Variants in CDK19 observed in about 807,000 individuals in gnomAD.
CDK19 encodes the protein cyclin-dependent kinase 19.
In CDK19, 20 loss-of-function variants were observed where a neutral mutation model predicts 68.3. That is an observed-to-expected ratio of 0.29 (90% CI 0.21 to 0.43). The LOEUF is 0.43. CDK19 is among the 20% of genes least tolerant of loss of function. The pLI is 1.00. For missense variants in CDK19, 339 were observed against 623.5 expected (o/e 0.54, Z 4.86); for synonymous variants, 221 against 222.8 (o/e 0.99, Z 0.07).
intron 2 of CDK19, among the ~76,000 whole-genome samples, chr6:110,693,032 G>A (rs1414543821): frequency 6.6e-6 from 1 of 151,900 alleles, no homozygotes; most frequent in Non-Finnish European, 1.5e-5. Context: ...AAGGTAAAGG[G>A]GTGAAAAAAG....
Position 110,627,059 on chromosome 6 carries a change from T to A in CDK19, c.733A>T (p.Asn245Tyr), listed in dbSNP as rs1275224408. ...TCCAGTTGATCATGATGAAAGGGAT[T>A]GCTTGTTTTTATATCTTCCTGACGA... ...HCRQEDIKTS[N>Y]PFHHDQLDRI... Residue 245 changes from asparagine (N) to tyrosine (Y), a missense_variant, in exon 7 of 13, where the codon AAT (asparagine) becomes TAT (tyrosine). This residue lies in a region of CDK19 where 63 missense variants were observed against 156.5 expected (regional missense o/e 0.40). Transcript: ENST00000368911. 6.2e-7 allele frequency: 1 copy of A among 1,613,158 alleles called. No homozygotes were observed. The highest frequency in any genetic ancestry group is 1.7e-5 in the Admixed American group (1 of 60,008).
chr6:110,815,353 G>A lies in CDK19; in HGVS notation c.-217C>T, dbSNP rs1424026996. On this transcript the variant is annotated 5_prime_UTR_variant, in exon 1 of 13. Coordinates refer to ENST00000368911, the MANE Select transcript of CDK19 (RefSeq NM_015076.5). ...CTCCACCTCTTCCTCCTCCTCCTCC[G>A]CGACGGCGGCGGCGGCTCCCGCAGG... 3.0e-5 allele frequency: 12 copies of A among 405,584 alleles called. No homozygotes were observed. Among genetic ancestry groups the A allele is most frequent in the African/African-American group, 4.2e-5 (2 of 47,476 alleles). The allele number at this position is 405,584 out of a possible 1,614,324, so 25.1% of individuals were successfully genotyped here.
intron 2 of CDK19, among the ~76,000 whole-genome samples, chr6:110,740,647 T>A (rs1286269973): frequency 1.3e-5 from 2 of 152,262 alleles, no homozygotes; most frequent in Non-Finnish European, 2.9e-5. Context: ...CCTCAACAGT[T>A]ATTCTGCAAT....
intron 2 of CDK19, among the ~76,000 whole-genome samples, chr6:110,672,651 T>C (rs1423246208): frequency 6.6e-6 from 1 of 152,196 alleles, no homozygotes; most frequent in Non-Finnish European, 1.5e-5. Context: ...CAAATATGAA[T>C]ATATATTTTA....
At chr6:110,622,037 T>C in intron 11 of CDK19, 51 bp downstream of exon 11, 1 of 1,068,152 alleles carries the variant, frequency 9.4e-7, no homozygotes, top group Non-Finnish European at 1.4e-6. Context: ...CTAAACTATC[T>C]TTTTGCCTCC....
At chr6:110,626,911 AG>A in intron 7 of CDK19, 66 bp from the exon 8 acceptor site, 1 of 1,377,120 alleles carries the variant, frequency 7.3e-7, no homozygotes, top group Non-Finnish European at 1.0e-6. Flanking sequence ...TAATTATGTT[AG>A]TTTATAAATA....
chr6:110,769,155 A>G, intron 1 of CDK19, among the ~76,000 whole-genome samples: 4 of 147,640 alleles, frequency 2.7e-5, no homozygotes, highest in Middle Eastern at 3.5e-3. Context: ...TCTGTCTCAA[A>G]AAAAAAAAAA....
chr6:110,746,821 T>C (rs1212636874), intron 1 of CDK19, among the ~76,000 whole-genome samples: 1 of 152,174 alleles, frequency 6.6e-6, no homozygotes, highest in African/African-American at 2.4e-5. Flanking sequence ...ACAATGGACA[T>C]AGTATTAGGA....
intron 2 of CDK19, among the ~76,000 whole-genome samples, chr6:110,721,826 TG>T (rs1775913513): frequency 6.6e-6 from 1 of 152,070 alleles, no homozygotes; most frequent in Admixed American, 6.6e-5. Flanking sequence ...TAGCCAGGCG[TG>T]GTGGTGCGCG....
At chr6:110,641,738 T>C (rs1582752986) in intron 4 of CDK19, among the ~76,000 whole-genome samples, 1 of 150,308 alleles carries the variant, frequency 6.7e-6, no homozygotes. Context: ...GAAAGAAAAA[T>C]TGCATGGAAT....
At position 110,613,120 on chromosome 6, in the gene CDK19, A is replaced by G. The variant is rs1778110676; in HGVS notation, c.*1415T>C. ...CCCCTTACATTACAATGGGAGCTCT[A>G]AGTTTTTACATTTCCTTTTGACTCT... On this transcript the variant is annotated 3_prime_UTR_variant, in exon 13 of 13. Transcript: ENST00000368911. 1 of 152,608 alleles carries G rather than the reference A, an allele frequency of 6.6e-6. No individual in the cohort carries two copies. Among genetic ancestry groups the G allele is most frequent in the African/African-American group, 2.4e-5 (1 of 41,448 alleles). 9.5% of individuals were successfully genotyped at this position (152,608 alleles called of 1,614,324 possible).
At chr6:110,698,464 C>T (rs1051892255) in intron 2 of CDK19, among the ~76,000 whole-genome samples, 6 of 152,090 alleles carry the variant, frequency 3.9e-5, no homozygotes, top group African/African-American at 1.4e-4. Context: ...GAGATACCAC[C>T]TTACTTCTGC....
chr6:110,723,065 C>A (rs1033232807), intron 2 of CDK19, among the ~76,000 whole-genome samples: 2 of 144,926 alleles, frequency 1.4e-5, no homozygotes, highest in Admixed American at 1.5e-4. Flanking sequence ...TTCCCCTCCT[C>A]TGTCTGAGTG....
intron 10 of CDK19, 109 bp from the exon 11 acceptor site, chr6:110,622,275 C>T (rs947325374): frequency 2.6e-6 from 2 of 754,768 alleles, no homozygotes; most frequent in African/African-American, 1.7e-5. Flanking sequence ...TCCTACTCTT[C>T]ATCTGTGGCT....
chr6:110,628,519 T>A (rs1779233090), intron 6 of CDK19, among the ~76,000 whole-genome samples: 1 of 152,224 alleles, frequency 6.6e-6, no homozygotes, highest in South Asian at 2.1e-4. Flanking sequence ...ATCCCTCTGT[T>A]CATCCACACT....
intron 4 of CDK19, among the ~76,000 whole-genome samples, chr6:110,657,950 C>G (rs1296510695): frequency 2.0e-5 from 3 of 152,180 alleles, no homozygotes; most frequent in Non-Finnish European, 2.9e-5. Context: ...GTGCAGGACT[C>G]TGTTGAAAGC....
At chr6:110,648,960 G>A (rs1054782697) in intron 4 of CDK19, among the ~76,000 whole-genome samples, 6 of 151,624 alleles carry the variant, frequency 4.0e-5, no homozygotes, top group East Asian at 3.9e-4. Flanking sequence ...CTCGTGATCC[G>A]CTCGGCCTCC....
chr6:110,682,393 C>A lies in CDK19; in HGVS notation c.205-11852G>T, dbSNP rs538110272. Among the ~76,000 whole-genome samples, 7 of 152,204 alleles carry A rather than the reference C, an allele frequency of 4.6e-5. No individual in the cohort carries two copies. In the South Asian group the frequency reaches 1.5e-3, roughly 32 times the overall value. On this transcript the variant is annotated intron_variant, in intron 2 of 12. Transcript: ENST00000368911. ...TGGCAAATAGGAGATTTGCCTAATT[C>A]CAAAATGTTCCAATACTCCTAAAAC...
chr6:110,770,008 T>G (rs897544629), intron 1 of CDK19, among the ~76,000 whole-genome samples: 1 of 152,136 alleles, frequency 6.6e-6, no homozygotes, highest in African/African-American at 2.4e-5. Flanking sequence ...GCAAAAAGGT[T>G]TGGGAAGTAA....
Sources: allele counts gnomAD v4.1 joint callset (sites outside exome capture counted in the v4.1 genomes callset), GRCh38; gene constraint gnomAD v4.1.1; regional missense constraint gnomAD v4.1.1; transcripts MANE v1.5; gene names NCBI Gene and HGNC (gene_info 2026-07-23, HGNC 2026-07-21).